GBE1: variants seen among roughly 807,000 people sequenced by gnomAD.
GBE1 encodes 1,4-alpha-glucan-branching enzyme.
GBE1 carries 70 observed loss-of-function variants against 88.8 expected under a neutral mutation model. The observed-to-expected ratio is 0.79, with a 90% CI of 0.65 to 0.96. The LOEUF (loss-of-function observed/expected upper bound fraction) is 0.96, where lower values mean the gene tolerates loss of function less well. Ranked by LOEUF, GBE1 falls within the 40% of genes least tolerant of loss-of-function variation. GBE1 has a pLI of 0.00. For missense variants in GBE1, 872 were observed against 871.0 expected (o/e 1.00, Z -0.01); for synonymous variants, 284 against 300.1 (o/e 0.95, Z 0.56).
intron 1 of GBE1, among the ~76,000 whole-genome samples, chr3:81,725,685 C>G (rs1331549646): frequency 6.6e-6 from 1 of 152,156 alleles, no homozygotes; most frequent in East Asian, 1.9e-4. Context: ...GGTTTGTTTT[C>G]ATCAGCATCT....
At chr3:81,588,091 G>A (rs1222143353) in intron 9 of GBE1, among the ~76,000 whole-genome samples, 1 of 132,018 alleles carries the variant, frequency 7.6e-6, no homozygotes, top group Non-Finnish European at 1.6e-5. Flanking sequence ...CTAAGACTCA[G>A]GTCAAATGCT....
chr3:81,591,432 T>C (rs1703875878), intron 8 of GBE1, among the ~76,000 whole-genome samples: 1 of 152,162 alleles, frequency 6.6e-6, no homozygotes, highest in Non-Finnish European at 1.5e-5. Flanking sequence ...TTAGCTAAAT[T>C]ATATGGCAAA....
At chr3:81,677,566 G>T (rs1705278563) in intron 2 of GBE1, among the ~76,000 whole-genome samples, 1 of 152,186 alleles carries the variant, frequency 6.6e-6, no homozygotes, top group African/African-American at 2.4e-5. Context: ...GAAGAATCTT[G>T]TCATAAAGTA....
intron 14 of GBE1, among the ~76,000 whole-genome samples, chr3:81,520,123 T>C (rs1489542530): frequency 2.6e-5 from 4 of 151,432 alleles, no homozygotes; most frequent in Non-Finnish European, 5.9e-5. Flanking sequence ...CCTCAGTCTC[T>C]ACAACGTGCC....
chr3:81,625,683 T>C (rs1469528418), intron 7 of GBE1, among the ~76,000 whole-genome samples: 7 of 152,144 alleles, frequency 4.6e-5, no homozygotes, highest in African/African-American at 1.7e-4. Flanking sequence ...CTTAAGTGAT[T>C]CTGCCACCTC....
At chr3:81,507,085 AT>A (rs1019261158) in intron 14 of GBE1, among the ~76,000 whole-genome samples, 2 of 152,140 alleles carry the variant, frequency 1.3e-5, no homozygotes, top group Non-Finnish European at 2.9e-5. Context: ...TCAAAAAAAA[AT>A]GAGAGTTCTG....
chr3:81,560,281 TTAAAA>T (rs1304629338), intron 12 of GBE1, among the ~76,000 whole-genome samples: 3 of 151,950 alleles, frequency 2.0e-5, no homozygotes, highest in South Asian at 2.1e-4. Flanking sequence ...TCATAGCACT[TTAAAA>T]TAACATTTTT....
At chr3:81,699,852 TCAG>T (rs1313291902) in intron 2 of GBE1, among the ~76,000 whole-genome samples, 1 of 152,110 alleles carries the variant, frequency 6.6e-6, no homozygotes, top group African/African-American at 2.4e-5. Flanking sequence ...CAGTTGACAC[TCAG>T]TATTAACCAT....
rs368256869 is a variant in GBE1, at chr3:81,705,557, T to C, written c.200A>G (p.Asp67Gly). The C allele has an allele frequency of 2.2e-5, 35 of 1,589,810 alleles. No homozygotes were observed. The highest frequency in any genetic ancestry group is 2.7e-5 in the Non-Finnish European group (32 of 1,166,910). Residue 67 changes from aspartate to glycine, a missense_variant, in exon 2 of 16, where the codon GAT (aspartate) becomes GGT (glycine). Transcript: ENST00000429644. ...TGATTCATAGCCTCTGGAAAACTTA[T>C]CAATACCACCTTCATTTTCTCCAAT... ...KNIGENEGGI[D>G]KFSRGYESFG...
At chr3:81,581,126 G>A in intron 11 of GBE1, 39 bp downstream of exon 11, 1 of 1,161,894 alleles carries the variant, frequency 8.6e-7, no homozygotes, top group Non-Finnish European at 1.3e-6. Flanking sequence ...GGAAGAGAGA[G>A]AGAGAGAAAT....
intron 12 of GBE1, among the ~76,000 whole-genome samples, chr3:81,561,464 C>A (rs887314487): frequency 2.0e-5 from 3 of 151,892 alleles, no homozygotes; most frequent in Non-Finnish European, 4.4e-5. Flanking sequence ...ACTTTACTTC[C>A]CTCGTAATCT....
intron 2 of GBE1, among the ~76,000 whole-genome samples, chr3:81,671,746 T>C (rs1054574867): frequency 6.6e-6 from 1 of 152,132 alleles, no homozygotes; most frequent in Non-Finnish European, 1.5e-5. Context: ...ATTTACAATA[T>C]TGGAGTATAA....
At chr3:81,514,458 T>G (rs1702767815) in intron 14 of GBE1, among the ~76,000 whole-genome samples, 1 of 151,682 alleles carries the variant, frequency 6.6e-6, no homozygotes, top group Admixed American at 6.6e-5. Flanking sequence ...ATTTTGTAAA[T>G]TAATGCTTAT....
intron 1 of GBE1, among the ~76,000 whole-genome samples, chr3:81,714,181 G>C (rs986258562): frequency 6.6e-6 from 1 of 152,130 alleles, no homozygotes; most frequent in Non-Finnish European, 1.5e-5. Context: ...TGTCTTCCTA[G>C]TACATACAAT....
chr3:81,606,259 C>G (rs903654549), intron 7 of GBE1, among the ~76,000 whole-genome samples: 3 of 152,140 alleles, frequency 2.0e-5, no homozygotes. Flanking sequence ...CTTCTTTCAA[C>G]TGTTATATAC....
chr3:81,646,138 A>C (rs1421537010), intron 6 of GBE1, among the ~76,000 whole-genome samples: 1 of 152,210 alleles, frequency 6.6e-6, no homozygotes, highest in Admixed American at 6.5e-5. Flanking sequence ...GCTCCAAATG[A>C]GTGACAATTT....
intron 3 of GBE1, among the ~76,000 whole-genome samples, chr3:81,659,633 C>T (rs922644005): frequency 6.6e-6 from 1 of 151,388 alleles, no homozygotes; most frequent in East Asian, 1.9e-4. Flanking sequence ...CAGGTATGAG[C>T]CACCGCACCC....
chr3:81,576,224 ATACT>A (rs1290518867), intron 12 of GBE1, among the ~76,000 whole-genome samples: 9 of 151,712 alleles, frequency 5.9e-5, no homozygotes, highest in Non-Finnish European at 8.8e-5. Flanking sequence ...GCAATGTATC[ATACT>A]TACTTATTAT....
intron 2 of GBE1, among the ~76,000 whole-genome samples, chr3:81,675,472 G>A (rs1448275747): frequency 6.6e-6 from 1 of 151,954 alleles, no homozygotes; most frequent in Non-Finnish European, 1.5e-5. Flanking sequence ...CAGAACATGA[G>A]AAGACAACAT....
Sources: gnomAD v4.1 joint callset for allele counts (sites outside exome capture counted in the v4.1 genomes callset) on GRCh38, gnomAD v4.1.1 for gene constraint, MANE v1.5 for transcripts, NCBI Gene and HGNC (gene_info 2026-07-23, HGNC 2026-07-21) for gene names.